Variants in SGCD observed in about 807,000 individuals in gnomAD.
SGCD encodes the protein delta-sarcoglycan.
Under a neutral mutation model 36.6 loss-of-function variants are expected in SGCD, and 18 were observed. The observed-to-expected ratio is 0.49, with a 90% CI of 0.34 to 0.73. The LOEUF is 0.73. Ranked by LOEUF, SGCD falls within the 30% of genes least tolerant of loss-of-function variation. The probability of loss-of-function intolerance (pLI) is 0.01; values close to 1 mark genes in which losing one functional copy is unlikely to be tolerated. For synonymous variants in SGCD, 133 were observed against 130.6 expected (o/e 1.02, Z -0.12); for missense variants, 387 against 346.7 (o/e 1.12, Z -0.92).
intron 3 of SGCD, among the ~76,000 whole-genome samples, chr5:156,306,840 C>T (rs1193044556): frequency 1.3e-5 from 2 of 152,092 alleles, no homozygotes; most frequent in Non-Finnish European, 2.9e-5. Flanking sequence ...GTCTCCTTTC[C>T]TATGTTCACA....
the SGCD span, among the ~76,000 whole-genome samples, chr5:155,809,476 C>G: frequency 1.3e-5 from 2 of 152,138 alleles, no homozygotes; most frequent in East Asian, 3.9e-4. Flanking sequence ...AAACCAGGGT[C>G]TTATATCACT....
At chr5:156,575,493 A>G (rs1759902119) in intron 4 of SGCD, among the ~76,000 whole-genome samples, 1 of 152,208 alleles carries the variant, frequency 6.6e-6, no homozygotes, top group South Asian at 2.1e-4. Context: ...ACCAGTATGC[A>G]AGTCTGGGTA....
intron 2 of SGCD, among the ~76,000 whole-genome samples, chr5:156,340,704 G>C (rs994139801): frequency 6.6e-6 from 1 of 152,132 alleles, no homozygotes; most frequent in Non-Finnish European, 1.5e-5. Flanking sequence ...GCCTCTCCTG[G>C]GGTCTTCAAA....
chr5:156,155,989 C>A (rs540905694), intron 3 of SGCD, among the ~76,000 whole-genome samples: 1 of 151,800 alleles, frequency 6.6e-6, no homozygotes, highest in Non-Finnish European at 1.5e-5. Context: ...ATCAAAAAAT[C>A]AATTGACCTG....
chr5:155,983,355 A>G (rs139119231), intron 1 of SGCD, among the ~76,000 whole-genome samples: 3,311 of 152,282 alleles, frequency 0.022, 127 homozygotes, highest in African/African-American at 0.074. Context: ...GCTGGAGTGC[A>G]GTGGCATGAT....
At chr5:156,073,312 C>T (rs1284355566) in intron 1 of SGCD, among the ~76,000 whole-genome samples, 1 of 152,206 alleles carries the variant, frequency 6.6e-6, no homozygotes, top group African/African-American at 2.4e-5. Context: ...AATCCTAGCA[C>T]TTTGGGAGGC....
At chr5:155,927,097 A>C (rs1757009089) in intron 1 of SGCD, among the ~76,000 whole-genome samples, 1 of 152,222 alleles carries the variant, frequency 6.6e-6, no homozygotes, top group Admixed American at 6.5e-5. Flanking sequence ...ACTTGATTTC[A>C]AACATATAAG....
intron 1 of SGCD, among the ~76,000 whole-genome samples, chr5:156,075,523 A>T (rs1444989526): frequency 6.6e-6 from 1 of 152,182 alleles, no homozygotes; most frequent in Non-Finnish European, 1.5e-5. Flanking sequence ...AGGGCCCAGG[A>T]ACATCAGGAT....
At chr5:155,855,903 C>T in the SGCD span, among the ~76,000 whole-genome samples, 1 of 152,032 alleles carries the variant, frequency 6.6e-6, no homozygotes, top group African/African-American at 2.4e-5. Flanking sequence ...TACATTAACA[C>T]ACTTGTAACT....
chr5:155,954,521 C>T (rs4704888), intron 1 of SGCD, among the ~76,000 whole-genome samples: 31,332 of 149,588 alleles, frequency 0.21, 3,779 homozygotes, highest in Admixed American at 0.39. Flanking sequence ...CCCATCTGTA[C>T]AACAAGGATA....
At chr5:156,466,258 ATCTCT>A (rs1754717857) in intron 3 of SGCD, among the ~76,000 whole-genome samples, 1 of 152,206 alleles carries the variant, frequency 6.6e-6, no homozygotes, top group African/African-American at 2.4e-5. Context: ...AAGTCATTTC[ATCTCT>A]TCTCTTGGTA....
At chr5:155,994,077 G>A (rs972718291) in intron 1 of SGCD, among the ~76,000 whole-genome samples, 2 of 152,190 alleles carry the variant, frequency 1.3e-5, no homozygotes, top group African/African-American at 4.8e-5. Context: ...CTCCTGAGGG[G>A]TAGTGGAGAC....
chr5:155,734,224 GAGAC>G, the SGCD span, among the ~76,000 whole-genome samples: 1 of 149,844 alleles, frequency 6.7e-6, no homozygotes, highest in Non-Finnish European at 1.5e-5. Flanking sequence ...ATTATTATAT[GAGAC>G]AGGGTCTGGC....
the SGCD span, among the ~76,000 whole-genome samples, chr5:155,754,478 A>T: frequency 1.3e-5 from 2 of 152,238 alleles, no homozygotes; most frequent in African/African-American, 4.8e-5. Context: ...CAAAGGGAGA[A>T]GGTCTCCTGC....
intron 3 of SGCD, among the ~76,000 whole-genome samples, chr5:156,319,358 G>C (rs1011884018): frequency 3.3e-5 from 5 of 152,210 alleles, no homozygotes; most frequent in Non-Finnish European, 7.3e-5. Context: ...GATCTGTTAA[G>C]TGCAGGGTTA....
At chr5:155,886,020 T>C (rs889291363) in intron 1 of SGCD, among the ~76,000 whole-genome samples, 2 of 152,204 alleles carry the variant, frequency 1.3e-5, no homozygotes, top group Non-Finnish European at 2.9e-5. Context: ...TGGCTGAACA[T>C]TTATTTAGTG....
In SGCD at chr5:156,029,693, A is replaced by C. The variant is rs77524376; in HGVS notation, c.-281-88185A>C. Among the ~76,000 whole-genome samples the C allele has an allele frequency of 4.9e-3, 749 of 152,312 alleles. 2 individuals are homozygous for C. The highest frequency in any genetic ancestry group is 0.017 in the African/African-American group (717 of 41,576). The stretch of plus-strand genomic sequence containing the variant: ...ACCAAACAATGATCACTGAACTAAC[A>C]AAAAGAACAAGTGATGGATCATTTC... On this transcript the variant is annotated intron_variant, in intron 1 of 9. Transcript: ENST00000517913.
At chr5:156,394,974 G>A (rs542884830) in intron 3 of SGCD, among the ~76,000 whole-genome samples, 7 of 152,296 alleles carry the variant, frequency 4.6e-5, no homozygotes, top group East Asian at 1.9e-4. Flanking sequence ...GGCTTTATCC[G>A]TGTATTGAAA....
At chr5:156,753,047 C>T (rs914650829) in intron 7 of SGCD, among the ~76,000 whole-genome samples, 5 of 151,996 alleles carry the variant, frequency 3.3e-5, no homozygotes, top group Admixed American at 1.3e-4. Flanking sequence ...TGTGGCCCGC[C>T]GAAACAAGCA....
Sources: allele counts gnomAD v4.1 joint callset (sites outside exome capture counted in the v4.1 genomes callset), GRCh38; gene constraint gnomAD v4.1.1; transcripts MANE v1.5; gene names NCBI Gene and HGNC (gene_info 2026-07-23, HGNC 2026-07-21).